The following FANK1 variants were observed in gnomAD, a reference collection of about 807,000 sequenced individuals.
FANK1 encodes fibronectin type III and ankyrin repeat domains 1.
Under a neutral mutation model 45.3 loss-of-function variants are expected in FANK1, and 44 were observed. The observed-to-expected ratio is 0.97, with a 90% CI of 0.76 to 1.25. The LOEUF is 1.25. Among genes scored for constraint, FANK1 ranks in the 50% most tolerant of loss-of-function variants. The pLI, the probability that FANK1 is intolerant of heterozygous loss-of-function variation, is 0.00. For missense variants in FANK1, 391 were observed against 424.4 expected (o/e 0.92, Z 0.69); for synonymous variants, 149 against 152.5 (o/e 0.98, Z 0.17).
At chr10:125,901,099 A>G (rs1193411262) in intron 1 of FANK1, among the ~76,000 whole-genome samples, 3 of 152,108 alleles carry the variant, frequency 2.0e-5, no homozygotes, top group Non-Finnish European at 4.4e-5. Flanking sequence ...GGGCTCACGC[A>G]TGTTTTTAAA....
intron 1 of FANK1, among the ~76,000 whole-genome samples, chr10:125,900,733 C>T (rs1020020102): frequency 1.1e-4 from 17 of 152,152 alleles, no homozygotes; most frequent in African/African-American, 3.9e-4. Context: ...CTCACTGCAA[C>T]CTCCGCCTCC....
intron 3 of FANK1, chr10:125,989,301 T>G (rs879532931): frequency 1.9e-6 from 3 of 1,550,652 alleles, no homozygotes; most frequent in Non-Finnish European, 2.6e-6. Flanking sequence ...AGCAAGAGCC[T>G]TGTAAAAATT....
chr10:126,008,616 T>C, intron 8 of FANK1, 66 bp downstream of exon 8: 2 of 1,537,968 alleles, frequency 1.3e-6, no homozygotes, highest in Non-Finnish European at 1.8e-6. Flanking sequence ...TTTTCTGTAA[T>C]TAGACAATTC....
intron 1 of FANK1, among the ~76,000 whole-genome samples, chr10:125,900,094 A>G (rs1478969585): frequency 2.6e-5 from 4 of 152,298 alleles, no homozygotes; most frequent in Non-Finnish European, 5.9e-5. Flanking sequence ...TACTCTTGGC[A>G]GCAAGCAGAG....
chr10:125,994,601 T>C lies in FANK1; in HGVS notation c.317-816T>C, dbSNP rs1482641466. The C allele has an allele frequency of 3.0e-6, 3 of 985,246 alleles. No homozygotes were observed. In the African/African-American group the frequency reaches 5.2e-5, roughly 17 times the overall value. 61.0% of individuals were successfully genotyped at this position (985,246 alleles called of 1,614,324 possible). On this transcript the variant is annotated intron_variant, in intron 3 of 10. Coordinates refer to ENST00000368693, the MANE Select transcript of FANK1 (RefSeq NM_145235.5). ...TCAGGTGCTATTCGAAGTGCTTCAT[T>C]GGTGTTATTTCATTTAAGCTTAATT...
rs185535533 is a variant in FANK1 at position 125,918,982 on chromosome 10, A to C, written c.13+22327A>C. ...ACATATAATTGAAAGGTAAATCACT[A>C]GGAAAGGGAAGGAGTCTCTGGGTTT... On this transcript the variant is annotated intron_variant, in intron 1 of 10. Transcript: ENST00000368693. Among the ~76,000 whole-genome samples, 1,305 of 152,086 alleles carry C rather than the reference A, an allele frequency of 8.6e-3. 18 individuals are homozygous for C. Among genetic ancestry groups the C allele is most frequent in the African/African-American group, 0.03 (1,262 of 41,466 alleles).
chr10:125,918,588 ATAT>A (rs1564871096), intron 1 of FANK1, among the ~76,000 whole-genome samples: 49 of 94,090 alleles, frequency 5.2e-4, no homozygotes, highest in African/African-American at 1.8e-3. Flanking sequence ...AAAAAAAAAT[ATAT>A]ATATATATAT....
intron 1 of FANK1, among the ~76,000 whole-genome samples, chr10:125,924,127 A>T (rs187959700): frequency 2.2e-3 from 329 of 150,990 alleles, no homozygotes; most frequent in Middle Eastern, 0.02. Flanking sequence ...AAACCAAAAA[A>T]CCCACAAGTT....
chr10:125,965,967 A>G (rs10794046), intron 1 of FANK1, among the ~76,000 whole-genome samples: 56,086 of 151,936 alleles, frequency 0.37, 10,560 homozygotes, highest in South Asian at 0.43. Context: ...TTGTCACATT[A>G]TTTTTTTGTT....
intron 1 of FANK1, among the ~76,000 whole-genome samples, chr10:125,913,303 A>C (rs1273673906): frequency 1.3e-5 from 2 of 150,776 alleles, no homozygotes; most frequent in Non-Finnish European, 2.9e-5. Flanking sequence ...CTCATTCTGC[A>C]TGACACCTAA....
At chr10:125,948,077 A>G (rs1948939293) in intron 1 of FANK1, among the ~76,000 whole-genome samples, 1 of 149,800 alleles carries the variant, frequency 6.7e-6, no homozygotes, top group Admixed American at 6.7e-5. Context: ...GAGAACAAAG[A>G]CACAACATAC....
intron 1 of FANK1, among the ~76,000 whole-genome samples, chr10:125,961,491 A>G (rs1376892934): frequency 1.3e-5 from 2 of 152,204 alleles, no homozygotes; most frequent in Admixed American, 1.3e-4. Flanking sequence ...TGGGAAAACT[A>G]GATATCCATA....
At chr10:125,974,763 A>G (rs900859291) in intron 1 of FANK1, 1 of 152,228 alleles carries the variant, frequency 6.6e-6, no homozygotes, top group Non-Finnish European at 1.5e-5. Flanking sequence ...CCAGTCTCTT[A>G]TAAATGGGTC....
intron 1 of FANK1, among the ~76,000 whole-genome samples, chr10:125,911,164 C>T (rs1945971128): frequency 6.6e-6 from 1 of 151,890 alleles, no homozygotes; most frequent in Admixed American, 6.6e-5. Flanking sequence ...CAGGTGGGCA[C>T]GATGGAATCA....
intron 1 of FANK1, among the ~76,000 whole-genome samples, chr10:125,917,267 T>C (rs927011632): frequency 1.3e-5 from 2 of 152,226 alleles, no homozygotes; most frequent in South Asian, 2.1e-4. Context: ...CCCTCTGCTT[T>C]AACTATTACA....
intron 1 of FANK1, among the ~76,000 whole-genome samples, chr10:125,978,233 C>A (rs1243283380): frequency 1.3e-5 from 2 of 151,578 alleles, no homozygotes; most frequent in African/African-American, 2.4e-5. Context: ...GACCTGGTGT[C>A]GGCCCAAAGG....
chr10:125,951,553 G>T (rs550653447), intron 1 of FANK1, among the ~76,000 whole-genome samples: 4 of 152,124 alleles, frequency 2.6e-5, no homozygotes, highest in Admixed American at 1.3e-4. Flanking sequence ...TGTTTGGAAG[G>T]TTTTGTTTTC....
intron 1 of FANK1, among the ~76,000 whole-genome samples, chr10:125,938,177 C>T (rs944842530): frequency 6.6e-6 from 1 of 151,934 alleles, no homozygotes; most frequent in East Asian, 1.9e-4. Context: ...GAAACTATAT[C>T]GATGCTTTTG....
At chr10:125,935,710 T>C (rs946801296) in intron 1 of FANK1, among the ~76,000 whole-genome samples, 1 of 152,186 alleles carries the variant, frequency 6.6e-6, no homozygotes, top group South Asian at 2.1e-4. Flanking sequence ...ATTAACTAAT[T>C]GTCCAATATA....
Sources: allele counts gnomAD v4.1 joint callset (sites outside exome capture counted in the v4.1 genomes callset), GRCh38; gene constraint gnomAD v4.1.1; transcripts MANE v1.5; gene names NCBI Gene and HGNC (gene_info 2026-07-23, HGNC 2026-07-21).